Variants in EMX1 observed in about 807,000 individuals in gnomAD.
EMX1 encodes the protein homeobox protein EMX1.
A neutral mutation model predicts 20.1 loss-of-function variants in EMX1; 10 were observed. That is an observed-to-expected ratio of 0.50 (90% CI 0.31 to 0.84). EMX1 has a LOEUF of 0.84. Ranked by LOEUF, EMX1 falls within the 40% of genes least tolerant of loss-of-function variation. EMX1 has a pLI of 0.05. For synonymous variants in EMX1, 250 were observed against 200.4 expected (o/e 1.25, Z -2.09); for missense variants, 424 against 431.9 (o/e 0.98, Z 0.16).
Position 72,917,823 on chromosome 2 carries a change from G to A in EMX1, c.-30G>A, listed in dbSNP as rs1417867432. On this transcript the variant is annotated 5_prime_UTR_variant, in exon 1 of 3. Coordinates refer to ENST00000258106, the MANE Select transcript of EMX1 (RefSeq NM_004097.3). ...GGGGGCCGAGCGCGAGCGGGCGGGC[G>A]GGGGAGGTGAGGGGTGCGGGCGGGT... 3 of 1,297,504 alleles carry A rather than the reference G, an allele frequency of 2.3e-6. No individual in the cohort carries two copies. Among genetic ancestry groups the A allele is most frequent in the Non-Finnish European group, 9.7e-7 (1 of 1,027,236 alleles). 80.4% of individuals were successfully genotyped at this position (1,297,504 alleles called of 1,614,324 possible).
At chr2:72,925,580 T>C in intron 2 of EMX1, 1 of 1,283,402 alleles carries the variant, frequency 7.8e-7, no homozygotes, top group Non-Finnish European at 1.0e-6. Context: ...CGGCTGACTT[T>C]TCACCTTCCG....
At chr2:72,926,047 C>CA (rs1671194975) in intron 2 of EMX1, 21 of 984,994 alleles carry the variant, frequency 2.1e-5, no homozygotes, top group Admixed American at 6.1e-5. Flanking sequence ...AACAAGGTGT[C>CA]AGTTTAAGAA....
At chr2:72,920,608 C>G (rs574608435) in intron 1 of EMX1, among the ~76,000 whole-genome samples, 313 of 152,336 alleles carry the variant, frequency 2.1e-3, no homozygotes, top group African/African-American at 7.3e-3. Flanking sequence ...CATTTCAGCC[C>G]CGTCTTAATG....
At chr2:72,916,880 C>G (rs1200434380), upstream of EMX1, 1 of 717,202 alleles carries the variant, frequency 1.4e-6, no homozygotes, top group Non-Finnish European at 2.6e-6. Flanking sequence ...CTTCCAGCCC[C>G]GCGAACAGCT....
In EMX1 at chr2:72,917,798, G is replaced by A; in HGVS notation, c.-55G>A. ...GCCGCTCCGCGCCTGGCTCGCCCGC[G>A]GGGGCCGAGCGCGAGCGGGCGGGCG... On this transcript the variant is annotated 5_prime_UTR_variant, in exon 1 of 3. Transcript: ENST00000258106. 1 of 1,258,672 alleles carries A rather than the reference G, an allele frequency of 7.9e-7. No individual in the cohort carries two copies. Among genetic ancestry groups the A allele is most frequent in the Non-Finnish European group, 1.0e-6 (1 of 1,003,396 alleles). The allele number at this position is 1,258,672 out of a possible 1,614,324, so 78.0% of individuals were successfully genotyped here.
At position 72,917,896 on chromosome 2, in the gene EMX1, G is replaced by T; in HGVS notation, c.44G>T (p.Gly15Val). Residue 15 changes from glycine to valine, a missense_variant, in exon 1 of 3, where the codon GGA becomes GTA. Gly to Val is a moderately radical substitution (Grantham distance 109). Transcript: ENST00000258106. ...ACACCCCGCAAGGCGGCGGCGCCAG[G>T]ACGCGGAGCGCTCCCCAGAGCCCGG... ...GCTPRKAAAP[G>V]RGALPRARLP... 1 of 1,481,064 alleles carries T rather than the reference G, an allele frequency of 6.8e-7. No homozygotes were observed. Among genetic ancestry groups the T allele is most frequent in the East Asian group, 3.0e-5 (1 of 33,734 alleles). 91.7% of individuals were successfully genotyped at this position (1,481,064 alleles called of 1,614,324 possible). A position where few individuals can be genotyped will look rare whatever the true frequency, so the allele number is the denominator to read the frequency against.
At chr2:72,925,092 C>T (rs1315670497) in intron 2 of EMX1, among the ~76,000 whole-genome samples, 1 of 152,180 alleles carries the variant, frequency 6.6e-6, no homozygotes, top group Admixed American at 6.5e-5. Flanking sequence ...TTGCTCTGAT[C>T]CGGCCCAGGC....
chr2:72,917,927 T>C lies in EMX1; in HGVS notation c.75T>C (p.Pro25=). Residue 25 remains proline (P), a synonymous_variant, in exon 1 of 3, where the codon CCT becomes CCC. Transcript: ENST00000258106. ...GAGCGCTCCCCAGAGCCCGGCTGCC[T>C]CGCACAGCTCCCGCGGCTGCGACCA... ...GRGALPRARL[P]RTAPAAATMF... 1 of 1,485,352 alleles carries C rather than the reference T, an allele frequency of 6.7e-7. No individual in the cohort carries two copies. The highest frequency in any genetic ancestry group is 8.9e-7 in the Non-Finnish European group (1 of 1,125,568). The allele number at this position is 1,485,352 out of a possible 1,614,324, so 92.0% of individuals were successfully genotyped here.
rs537790557 is a variant in EMX1 at position 72,930,490 on chromosome 2, G to A, written c.706-3297G>A. On this transcript the variant is annotated intron_variant, in intron 2 of 2. Coordinates refer to ENST00000258106, the MANE Select transcript of EMX1 (RefSeq NM_004097.3). The surrounding 1 kb of genome is among the most constrained non-coding windows in gnomAD (Gnocchi z 4.4). ...GATGTTCACTTCACAGTGAAATGAG[G>A]ACTTGGGAGACCACAAGGGACCTCT... is the stretch of plus-strand genomic sequence containing the variant. Among the ~76,000 whole-genome samples, 25 of 152,310 alleles carry A rather than the reference G, an allele frequency of 1.6e-4. 1 individual carries two copies. The South Asian group carries it at 4.4e-3, about 27-fold the overall frequency.
chr2:72,919,410 C>G (rs1278457662), intron 1 of EMX1, among the ~76,000 whole-genome samples: 1 of 151,976 alleles, frequency 6.6e-6, no homozygotes, highest in Non-Finnish European at 1.5e-5. Context: ...CAGACCACAG[C>G]CTTGTGAGAA....
rs1301301183 is a variant in EMX1, at chr2:72,930,808, T to TA, written c.706-2973dup. Among the ~76,000 whole-genome samples the TA allele has an allele frequency of 6.6e-6, 1 of 152,142 alleles. No homozygotes were observed. The highest frequency in any genetic ancestry group is 1.5e-5 in the Non-Finnish European group (1 of 68,028). ...GCCCAGTTCCTTTTCTTTTTCCAAG[T>TA]AAAAAATAACTACCATTATCAATAA... On this transcript the variant is annotated intron_variant, in intron 2 of 2. Transcript: ENST00000258106. This position sits in a 1 kb window ranked among gnomAD's most constrained non-coding sequence, Gnocchi z 4.4.
chr2:72,916,273 C>T (rs1221361501), upstream of EMX1: 1 of 203,678 alleles, frequency 4.9e-6, no homozygotes, highest in Admixed American at 5.4e-5. Context: ...TTGCGCGGCG[C>T]ACGGACCCCG....
upstream of EMX1, chr2:72,917,424 T>G: frequency 5.0e-6 from 1 of 201,094 alleles, no homozygotes; most frequent in East Asian, 1.3e-4. Flanking sequence ...GCGGGCTCCC[T>G]CCCCACCCGC....
chr2:72,932,066 C>T (rs1031115644), intron 2 of EMX1, among the ~76,000 whole-genome samples: 3 of 152,178 alleles, frequency 2.0e-5, no homozygotes, highest in African/African-American at 4.8e-5. Flanking sequence ...TGTGCTTTAC[C>T]CAGTTCTCTG....
In EMX1 at chr2:72,930,744, G is replaced by A. The variant is rs1030629067; in HGVS notation, c.706-3043G>A. On this transcript the variant is annotated intron_variant, in intron 2 of 2. Transcript: ENST00000258106. This position sits in a 1 kb window ranked among gnomAD's most constrained non-coding sequence, Gnocchi z 4.4. ...CAGAGTTGCCTGGCTGGGTTGGAGAGGTCATGAAATGTCACTCTCATCTCC... is the reference window on the plus strand; with the variant it reads ...CAGAGTTGCCTGGCTGGGTTGGAGAAGTCATGAAATGTCACTCTCATCTCC... Among the ~76,000 whole-genome samples, 2 of 152,152 alleles carry A rather than the reference G, an allele frequency of 1.3e-5. No individual in the cohort carries two copies. The highest frequency in any genetic ancestry group is 6.5e-5 in the Admixed American group (1 of 15,272).
upstream of EMX1, chr2:72,916,958 G>T (rs1307099555): frequency 1.4e-6 from 1 of 716,836 alleles, no homozygotes; most frequent in African/African-American, 1.7e-5. Context: ...CCTTGTGAAG[G>T]GAGTGAGCGT....
At chr2:72,927,374 G>T (rs1204675306) in intron 2 of EMX1, among the ~76,000 whole-genome samples, 1 of 152,146 alleles carries the variant, frequency 6.6e-6, no homozygotes, top group African/African-American at 2.4e-5. Flanking sequence ...CTGTGAGATT[G>T]AATGACACAA....
upstream of EMX1, chr2:72,917,041 C>T (rs1466404618): frequency 1.5e-6 from 1 of 672,414 alleles, no homozygotes; most frequent in Admixed American, 2.1e-5. Flanking sequence ...AGCTTCAGAC[C>T]GCGGCCCAGG....
At chr2:72,929,015 T>G (rs1671244957) in intron 2 of EMX1, among the ~76,000 whole-genome samples, 1 of 152,122 alleles carries the variant, frequency 6.6e-6, no homozygotes, top group East Asian at 1.9e-4. Context: ...CTTTTTCCCC[T>G]CAGAGGCATG....
Sources: gnomAD v4.1 joint callset for allele counts (sites outside exome capture counted in the v4.1 genomes callset) on GRCh38, gnomAD v4.1.1 for gene constraint, Gnocchi (gnomAD v3.1) non-coding constraint, MANE v1.5 for transcripts, NCBI Gene and HGNC (gene_info 2026-07-23, HGNC 2026-07-21) for gene names.